Variants in SLC1A2 observed in about 807,000 individuals in gnomAD.
The protein encoded by SLC1A2 is excitatory amino acid transporter 2.
SLC1A2 carries 15 observed loss-of-function variants against 48.8 expected under a neutral mutation model. The observed-to-expected ratio is 0.31, with a 90% confidence interval of 0.21 to 0.47. The LOEUF is 0.47. Among genes scored for constraint, SLC1A2 ranks in the 20% least tolerant of loss-of-function variants. The pLI is 0.99. For missense variants in SLC1A2, 502 were observed against 730.5 expected (o/e 0.69, Z 3.61); for synonymous variants, 279 against 272.6 (o/e 1.02, Z -0.23).
At position 35,256,116 on chromosome 11, in the gene SLC1A2, C is replaced by G. The variant is rs957176257; in HGVS notation, c.*4778G>C. On this transcript the variant is annotated 3_prime_UTR_variant, in exon 11 of 11. Coordinates refer to ENST00000278379, the MANE Select transcript of SLC1A2 (RefSeq NM_004171.4). ...ACTTTTCATATGGGAGAAAATGAGG[C>G]TTGGACACAAAATGACTTATGTAAG... The G allele has an allele frequency of 6.6e-6, 1 of 152,178 alleles. No homozygotes were observed. Among genetic ancestry groups the G allele is most frequent in the African/African-American group, 2.4e-5 (1 of 41,440 alleles). The allele number at this position is 152,178 out of a possible 1,614,324, so 9.4% of individuals were successfully genotyped here. A position where few individuals can be genotyped will look rare whatever the true frequency, so the allele number is the denominator to read the frequency against.
intron 4 of SLC1A2, among the ~76,000 whole-genome samples, chr11:35,308,349 G>A (rs1305108666): frequency 2.6e-5 from 4 of 152,186 alleles, no homozygotes; most frequent in African/African-American, 4.8e-5. Flanking sequence ...ATAGGAACAC[G>A]AACGCAGGCC....
intron 1 of SLC1A2, among the ~76,000 whole-genome samples, chr11:35,351,166 G>A (rs1853237672): frequency 1.3e-5 from 2 of 152,188 alleles, no homozygotes; most frequent in Admixed American, 6.5e-5. Flanking sequence ...CTTTATAAGT[G>A]AGAAAATTGA....
At chr11:35,276,451 T>TA (rs34408622) in intron 9 of SLC1A2, among the ~76,000 whole-genome samples, 15,456 of 147,376 alleles carry the variant, frequency 0.1, 876 homozygotes, top group East Asian at 0.2. Flanking sequence ...TCATCCTTTT[T>TA]AAAAAAAAAA....
chr11:35,347,336 A>G (rs1352873745), intron 1 of SLC1A2, among the ~76,000 whole-genome samples: 4 of 152,208 alleles, frequency 2.6e-5, no homozygotes, highest in Non-Finnish European at 4.4e-5. Flanking sequence ...CAGACATGGT[A>G]ATTCAATATA....
chr11:35,306,055 G>C lies in SLC1A2; in HGVS notation c.730+19C>G. On this transcript the variant is annotated intron_variant, in intron 5 of 10. Transcript: ENST00000278379. Reference sequence around the variant, plus strand: ...GCCATTGCCAGGGAAGCAGAATCCCGGACCACCAGCTGGCCTACCTAAGAC... The same window carrying C: ...GCCATTGCCAGGGAAGCAGAATCCCCGACCACCAGCTGGCCTACCTAAGAC... The C allele has an allele frequency of 6.2e-7, 1 of 1,610,450 alleles. No homozygotes were observed. Among genetic ancestry groups the C allele is most frequent in the South Asian group, 1.1e-5 (1 of 90,888 alleles).
At chr11:35,330,279 C>T (rs1397150385) in intron 1 of SLC1A2, among the ~76,000 whole-genome samples, 2 of 152,212 alleles carry the variant, frequency 1.3e-5, no homozygotes, top group Non-Finnish European at 2.9e-5. Flanking sequence ...TGGTCACTTC[C>T]CCACTCCCCT....
intron 1 of SLC1A2, among the ~76,000 whole-genome samples, chr11:35,410,722 C>T (rs1294953251): frequency 6.6e-6 from 1 of 152,108 alleles, no homozygotes; most frequent in Non-Finnish European, 1.5e-5. Flanking sequence ...CTGGTTAATG[C>T]AGGAGTAGAA....
chr11:35,343,167 A>G (rs1852904809), intron 1 of SLC1A2, among the ~76,000 whole-genome samples: 1 of 152,268 alleles, frequency 6.6e-6, no homozygotes, highest in Non-Finnish European at 1.5e-5. Flanking sequence ...TCACAAAACT[A>G]GCAAAAAGGA....
chr11:35,260,886 T>A lies in SLC1A2; in HGVS notation c.*8A>T. On this transcript the variant is annotated 3_prime_UTR_variant, in exon 11 of 11. Transcript: ENST00000278379. ...AGTTTATTCAAGAATTTGCTGAGAC[T>A]CATATCCTTATTTCTCACGTTTCCA... 1.2e-6 allele frequency: 2 copies of A among 1,600,368 alleles called. No individual in the cohort carries two copies. The highest frequency in any genetic ancestry group is 1.7e-6 in the Non-Finnish European group (2 of 1,167,496).
intron 1 of SLC1A2, among the ~76,000 whole-genome samples, chr11:35,341,390 C>G (rs1341834252): frequency 2.0e-5 from 3 of 152,168 alleles, no homozygotes; most frequent in Admixed American, 6.5e-5. Context: ...GGAGAAGAAG[C>G]ATTTCTGAAA....
At chr11:35,316,661 G>C (rs1371430664) in intron 2 of SLC1A2, 3 of 152,284 alleles carry the variant, frequency 2.0e-5, no homozygotes, top group Non-Finnish European at 2.9e-5. Flanking sequence ...ACCTAAGTGA[G>C]AGCTGCAGAA....
chr11:35,374,410 T>C, intron 1 of SLC1A2: 1 of 512,632 alleles, frequency 2.0e-6, no homozygotes, highest in East Asian at 5.1e-5. Flanking sequence ...GTCACCTGTC[T>C]GGAGCAAAGA....
In SLC1A2 at chr11:35,271,934, C is replaced by T. The variant is rs575219057; in HGVS notation, c.1422-6176G>A. Among the ~76,000 whole-genome samples, 71 of 152,120 alleles carry T rather than the reference C, an allele frequency of 4.7e-4. 1 individual carries two copies. The highest frequency in any genetic ancestry group is 8.2e-4 in the Non-Finnish European group (56 of 68,012). On this transcript the variant is annotated intron_variant, in intron 9 of 10. Transcript: ENST00000278379. Reference sequence around the variant, plus strand: ...ATACAGAGGTAGTGATAGAAGCCAGCTCACTATAGGTAAAAAATGGAAAGT... The same window carrying T: ...ATACAGAGGTAGTGATAGAAGCCAGTTCACTATAGGTAAAAAATGGAAAGT...
chr11:35,349,482 T>C (rs1414296328), intron 1 of SLC1A2, among the ~76,000 whole-genome samples: 3 of 151,890 alleles, frequency 2.0e-5, no homozygotes, highest in Non-Finnish European at 2.9e-5. Flanking sequence ...CCTGTGGTAC[T>C]GTCTTCCTCA....
At chr11:35,374,308 C>A in intron 1 of SLC1A2, 1 of 1,047,924 alleles carries the variant, frequency 9.5e-7, no homozygotes. Context: ...GAATTCTCTC[C>A]AGAAGAGTGG....
intron 6 of SLC1A2, among the ~76,000 whole-genome samples, chr11:35,295,963 A>G (rs187239572): frequency 5.0e-4 from 76 of 152,292 alleles, no homozygotes; most frequent in African/African-American, 1.6e-3. Context: ...CCACATACCT[A>G]TGGAGTCAGA....
At chr11:35,370,980 A>T in intron 1 of SLC1A2, 2 of 985,360 alleles carry the variant, frequency 2.0e-6, no homozygotes, top group Non-Finnish European at 2.4e-6. Context: ...CTGCCAGGGT[A>T]CAGACAGTCC....
chr11:35,280,066 T>A (rs7129347), intron 9 of SLC1A2, among the ~76,000 whole-genome samples: 221 of 152,344 alleles, frequency 1.5e-3, no homozygotes, highest in African/African-American at 5.2e-3. Context: ...CCTGTGCATA[T>A]GGAACATTTC....
At chr11:35,369,573 C>T (rs899417255) in intron 1 of SLC1A2, among the ~76,000 whole-genome samples, 3 of 152,204 alleles carry the variant, frequency 2.0e-5, no homozygotes, top group Non-Finnish European at 2.9e-5. Flanking sequence ...TTGATGCTTA[C>T]CAAAGCATTG....
Sources: gnomAD v4.1 joint callset for allele counts (sites outside exome capture counted in the v4.1 genomes callset) on GRCh38, gnomAD v4.1.1 for gene constraint, MANE v1.5 for transcripts, NCBI Gene and HGNC (gene_info 2026-07-23, HGNC 2026-07-21) for gene names.